Variants in CPEB1 observed in about 807,000 individuals in gnomAD.
CPEB1 encodes cytoplasmic polyadenylation element binding protein 1.
Under a neutral mutation model 65.8 loss-of-function variants are expected in CPEB1, and 7 were observed. The observed-to-expected ratio is 0.11, with a 90% confidence interval of 0.06 to 0.20. The LOEUF (loss-of-function observed/expected upper bound fraction) is 0.20. Among genes scored for constraint, CPEB1 ranks in the 10% least tolerant of loss-of-function variants. The pLI, the probability that CPEB1 is intolerant of heterozygous loss-of-function variation, is 1.00. For synonymous variants in CPEB1, 262 were observed against 260.0 expected, an observed-to-expected ratio of 1.01 and a Z score of -0.08; for missense variants, 551 against 712.2, an observed-to-expected ratio of 0.77 and a Z score of 2.58.
chr15:82,594,321 T>C (rs1156688051), intron 3 of CPEB1, among the ~76,000 whole-genome samples: 1 of 152,006 alleles, frequency 6.6e-6, no homozygotes. Context: ...TGCACATTTA[T>C]GTTACGGAGA....
intron 3 of CPEB1, among the ~76,000 whole-genome samples, chr15:82,626,176 C>T (rs1178455932): frequency 6.6e-6 from 1 of 151,668 alleles, no homozygotes; most frequent in East Asian, 1.9e-4. Context: ...TGGCTCACAC[C>T]TATAATCCCA....
chr15:82,553,671 T>G, intron 7 of CPEB1, 115 bp from the exon 8 acceptor site: 2 of 842,788 alleles, frequency 2.4e-6, no homozygotes, highest in Non-Finnish European at 3.9e-6. Flanking sequence ...GACAAACAAC[T>G]CAGAAACGAA....
chr15:82,562,453 T>TA, intron 4 of CPEB1: 1 of 207,030 alleles, frequency 4.8e-6, no homozygotes, highest in Non-Finnish European at 9.9e-6. Flanking sequence ...CACTGATCCA[T>TA]ACAAACCCGA....
intron 1 of CPEB1, among the ~76,000 whole-genome samples, chr15:82,644,965 A>G (rs1243032068): frequency 6.6e-6 from 1 of 152,194 alleles, no homozygotes; most frequent in Non-Finnish European, 1.5e-5. Context: ...AGAAAAGCAC[A>G]TAGAACCATT....
At position 82,604,259 on chromosome 15, in the gene CPEB1, G is replaced by A. The variant is rs541145658; in HGVS notation, c.271+22934C>T. Among the ~76,000 whole-genome samples, 12 of 152,178 alleles carry A rather than the reference G, an allele frequency of 7.9e-5. No homozygotes were observed. In the East Asian group the frequency reaches 1.3e-3, roughly 17 times the overall value. ...AGCACTTTGGGAGGCCGAGGCAGGC[G>A]GATCACAAGGTCAGGAGATTGAGAG... On this transcript the variant is annotated intron_variant, in intron 3 of 12. Transcript: ENST00000684509.
chr15:82,629,417 G>C, intron 1 of CPEB1: 3 of 983,928 alleles, frequency 3.0e-6, no homozygotes, highest in Non-Finnish European at 3.6e-6. Flanking sequence ...TGAGAAGATG[G>C]GTAAGACATT....
chr15:82,573,767 A>C (rs924403111), intron 3 of CPEB1, among the ~76,000 whole-genome samples: 5 of 152,180 alleles, frequency 3.3e-5, no homozygotes, highest in Admixed American at 2.0e-4. Flanking sequence ...CAAGACCGAC[A>C]GAATTGAGAT....
chr15:82,616,361 A>C (rs560494656), intron 3 of CPEB1, among the ~76,000 whole-genome samples: 1 of 152,270 alleles, frequency 6.6e-6, no homozygotes, highest in South Asian at 2.1e-4. Context: ...TGGGAAGGAA[A>C]TATACCAACT....
At chr15:82,559,881 T>G (rs2037896467) in intron 4 of CPEB1, among the ~76,000 whole-genome samples, 1 of 152,022 alleles carries the variant, frequency 6.6e-6, no homozygotes, top group African/African-American at 2.4e-5. Context: ...GTCAGGAGTT[T>G]GAAACCAGCC....
At chr15:82,582,545 T>C (rs984713397) in intron 3 of CPEB1, among the ~76,000 whole-genome samples, 4 of 152,130 alleles carry the variant, frequency 2.6e-5, no homozygotes, top group Non-Finnish European at 4.4e-5. Flanking sequence ...TCTCGATTTG[T>C]TGGTCTCAAA....
chr15:82,640,051 T>C (rs1596145292), intron 1 of CPEB1, among the ~76,000 whole-genome samples: 1 of 152,218 alleles, frequency 6.6e-6, no homozygotes, highest in Non-Finnish European at 1.5e-5. Context: ...CCTTTAGCTG[T>C]AAGCTTAGCT....
chr15:82,571,924 C>T, intron 3 of CPEB1: 1 of 918,410 alleles, frequency 1.1e-6, no homozygotes, highest in Non-Finnish European at 1.3e-6. Flanking sequence ...GACAGCACAA[C>T]AGCTACTTGG....
intron 3 of CPEB1, among the ~76,000 whole-genome samples, chr15:82,594,250 C>A (rs1434456452): frequency 2.0e-5 from 3 of 152,190 alleles, no homozygotes; most frequent in African/African-American, 7.2e-5. Context: ...TACCAATGAT[C>A]TTAGCTAGAT....
chr15:82,609,288 C>G (rs2043912204), intron 3 of CPEB1, among the ~76,000 whole-genome samples: 1 of 151,908 alleles, frequency 6.6e-6, no homozygotes, highest in Non-Finnish European at 1.5e-5. Context: ...TCACTTGAGC[C>G]CAGGAGTTTG....
At chr15:82,606,901 G>A (rs960755814) in intron 3 of CPEB1, among the ~76,000 whole-genome samples, 5 of 151,958 alleles carry the variant, frequency 3.3e-5, no homozygotes, top group Non-Finnish European at 7.4e-5. Context: ...GGGAAGCCAA[G>A]GTGGGAAGAT....
At chr15:82,626,538 A>G (rs1052956644) in intron 3 of CPEB1, among the ~76,000 whole-genome samples, 1 of 152,242 alleles carries the variant, frequency 6.6e-6, no homozygotes, top group Non-Finnish European at 1.5e-5. Flanking sequence ...CCACAAAATT[A>G]AACACCATTA....
intron 5 of CPEB1, among the ~76,000 whole-genome samples, chr15:82,556,800 A>C (rs747296373): frequency 3.9e-5 from 6 of 152,228 alleles, no homozygotes; most frequent in Non-Finnish European, 8.8e-5. Context: ...AGAGACCCGC[A>C]TGTGACTGCC....
At chr15:82,591,519 G>A (rs1391961992) in intron 3 of CPEB1, among the ~76,000 whole-genome samples, 5 of 152,104 alleles carry the variant, frequency 3.3e-5, no homozygotes, top group Non-Finnish European at 5.9e-5. Flanking sequence ...CGCCCACCTC[G>A]GCCTCCCAAA....
At chr15:82,571,950 G>T in intron 3 of CPEB1, 1 of 736,368 alleles carries the variant, frequency 1.4e-6, no homozygotes, top group Non-Finnish European at 1.7e-6. Flanking sequence ...TCCCGGTGCA[G>T]TGCCGTTAAG....
Sources: gnomAD v4.1 joint callset for allele counts (sites outside exome capture counted in the v4.1 genomes callset) on GRCh38, gnomAD v4.1.1 for gene constraint, MANE v1.5 for transcripts, NCBI Gene and HGNC (gene_info 2026-07-23, HGNC 2026-07-21) for gene names.